The following NOL4L variants were observed in gnomAD, a reference collection of about 807,000 sequenced individuals.
NOL4L encodes the protein nucleolar protein 4-like.
NOL4L carries 7 observed loss-of-function variants against 64.5 expected under a neutral mutation model. The observed-to-expected ratio is 0.11, with a 90% confidence interval of 0.06 to 0.20. The LOEUF is 0.20. Among genes scored for constraint, NOL4L ranks in the 10% least tolerant of loss-of-function variants. The pLI is 1.00. For missense variants in NOL4L, 680 were observed against 967.1 expected (o/e 0.70, Z 3.94); for synonymous variants, 413 against 401.0 (o/e 1.03, Z -0.36).
intron 4 of NOL4L, among the ~76,000 whole-genome samples, chr20:32,502,293 T>A (rs1015604958): frequency 6.6e-6 from 1 of 152,170 alleles, no homozygotes; most frequent in African/African-American, 2.4e-5. Context: ...TATATGATTT[T>A]AAAAAATGTA....
chr20:32,471,284 C>A (rs928197186), intron 5 of NOL4L, among the ~76,000 whole-genome samples: 1 of 150,524 alleles, frequency 6.6e-6, no homozygotes, highest in Non-Finnish European at 1.5e-5. Context: ...TGGACACTCA[C>A]CCCGGTAGAG....
At chr20:32,510,325 T>A (rs572480636) in intron 4 of NOL4L, 1 of 259,746 alleles carries the variant, frequency 3.8e-6, no homozygotes. Flanking sequence ...TTGAAAGGAA[T>A]ACGCAGCTCT....
chr20:32,564,762 C>T (rs1376385175), intron 1 of NOL4L, among the ~76,000 whole-genome samples: 1 of 152,246 alleles, frequency 6.6e-6, no homozygotes, highest in Non-Finnish European at 1.5e-5. Context: ...GGTGGGCTCC[C>T]TGATTGCTCC....
intron 1 of NOL4L, among the ~76,000 whole-genome samples, chr20:32,574,597 G>A (rs1424937263): frequency 6.6e-6 from 1 of 152,156 alleles, no homozygotes. Flanking sequence ...GGCCTGGCCT[G>A]CTGAAGGAAG....
intron 1 of NOL4L, among the ~76,000 whole-genome samples, chr20:32,564,675 T>G (rs1005996120): frequency 1.3e-5 from 2 of 152,242 alleles, no homozygotes; most frequent in African/African-American, 2.4e-5. Context: ...TTTCTTCATC[T>G]GTAAAATGGG....
rs538097450 is a variant in NOL4L at position 32,545,844 on chromosome 20, A to G, written c.322-17931T>C. On this transcript the variant is annotated intron_variant, in intron 1 of 10. Transcript: ENST00000621426. ...CCATTGTCTGTAAGAAGGGCGGGCT[A>G]GAGCAGGATATTTGGATTGCCATTA... Among the ~76,000 whole-genome samples the G allele has an allele frequency of 1.5e-4, 22 of 151,092 alleles. No individual in the cohort carries two copies. The East Asian group carries it at 4.1e-3, about 28-fold the overall frequency.
rs2014245373 is a variant in NOL4L at position 32,463,169 on chromosome 20, G to C, written c.842-6774C>G. 6.6e-6 allele frequency among the ~76,000 whole-genome samples: 1 copy of C among 152,206 alleles called. No homozygotes were observed. The highest frequency in any genetic ancestry group is 1.5e-5 in the Non-Finnish European group (1 of 68,034). Reference sequence around the variant, plus strand: ...TGGGCACCGAAGCCCCAGCACACAGGCCTCACGGGGTGCAGGCCTCCAGCT... The same window carrying C: ...TGGGCACCGAAGCCCCAGCACACAGCCCTCACGGGGTGCAGGCCTCCAGCT... On this transcript the variant is annotated intron_variant, in intron 5 of 10. Coordinates refer to ENST00000621426, the MANE Select transcript of NOL4L (RefSeq NM_001256798.2). The surrounding 1 kb of genome is among the most constrained non-coding windows in gnomAD (Gnocchi z 5.8).
chr20:32,519,779 A>G (rs1005816688), intron 3 of NOL4L: 1 of 152,214 alleles, frequency 6.6e-6, no homozygotes, highest in Admixed American at 6.5e-5. Flanking sequence ...CCAAGGGATC[A>G]CCTTTGGTGG....
At chr20:32,540,455 T>C (rs1376118336) in intron 1 of NOL4L, among the ~76,000 whole-genome samples, 1 of 152,146 alleles carries the variant, frequency 6.6e-6, no homozygotes. Flanking sequence ...CCCACAGCCA[T>C]GCTCAGAATC....
intron 4 of NOL4L, among the ~76,000 whole-genome samples, chr20:32,488,799 C>CT (rs1240514809): frequency 2.7e-5 from 1 of 36,538 alleles, no homozygotes; most frequent in African/African-American, 1.5e-4. Context: ...TCCTTTCTTT[C>CT]TTTCTTTTTC....
intron 1 of NOL4L, among the ~76,000 whole-genome samples, chr20:32,543,257 T>C (rs2018683782): frequency 6.6e-6 from 1 of 152,140 alleles, no homozygotes; most frequent in Non-Finnish European, 1.5e-5. Context: ...TGCGTGGCAC[T>C]TCTGCCACCA....
chr20:32,576,598 G>T (rs572331851), intron 1 of NOL4L, among the ~76,000 whole-genome samples: 1 of 152,296 alleles, frequency 6.6e-6, no homozygotes, highest in South Asian at 2.1e-4. Flanking sequence ...CCATCTGCAG[G>T]GGAGGAGCTC....
At chr20:32,496,442 G>T (rs1568657179) in intron 4 of NOL4L, among the ~76,000 whole-genome samples, 1 of 152,162 alleles carries the variant, frequency 6.6e-6, no homozygotes, top group Non-Finnish European at 1.5e-5. Flanking sequence ...CTAGGGATGG[G>T]TACCTTATCT....
chr20:32,488,851 C>A (rs1266735897), intron 4 of NOL4L, among the ~76,000 whole-genome samples: 2 of 70,700 alleles, frequency 2.8e-5, no homozygotes, highest in African/African-American at 1.7e-4. Flanking sequence ...TTCTTTCTTT[C>A]TTTCTTTCTT....
intron 1 of NOL4L, among the ~76,000 whole-genome samples, chr20:32,554,783 G>A (rs1249551011): frequency 6.6e-6 from 1 of 152,164 alleles, no homozygotes; most frequent in Non-Finnish European, 1.5e-5. Context: ...GACAAGGAAG[G>A]GGCTAGGGAG....
Position 32,573,681 on chromosome 20 carries a change from C to A in NOL4L, c.321+10889G>T, listed in dbSNP as rs376956202. On this transcript the variant is annotated intron_variant, in intron 1 of 10. Transcript: ENST00000621426. ...GGGAAGTAACTTACCCAAGACTGCA[C>A]AGCAGTAAGCGGCAGAACCTGGACC... The A allele has an allele frequency of 1.5e-4, 30 of 201,414 alleles. No individual in the cohort carries two copies. In the East Asian group the frequency reaches 3.6e-3, roughly 24 times the overall value. 12.5% of individuals were successfully genotyped at this position (201,414 alleles called of 1,614,324 possible).
At chr20:32,493,916 T>C (rs1037086365) in intron 4 of NOL4L, among the ~76,000 whole-genome samples, 1 of 152,144 alleles carries the variant, frequency 6.6e-6, no homozygotes, top group Admixed American at 6.5e-5. Context: ...AGCATTAAGA[T>C]TGGAGAGACT....
chr20:32,488,255 T>A (rs765088996), intron 4 of NOL4L, among the ~76,000 whole-genome samples: 8 of 152,180 alleles, frequency 5.3e-5, no homozygotes, highest in Non-Finnish European at 1.0e-4. Flanking sequence ...TCTTTGAGAT[T>A]ACAAACTGTG....
At chr20:32,498,751 G>A (rs2016795265) in intron 4 of NOL4L, among the ~76,000 whole-genome samples, 2 of 132,318 alleles carry the variant, frequency 1.5e-5, no homozygotes, top group Non-Finnish European at 1.5e-5. Context: ...CAACGGGAGT[G>A]AGACCCTGTC....
Sources: allele counts gnomAD v4.1 joint callset (sites outside exome capture counted in the v4.1 genomes callset), GRCh38; gene constraint gnomAD v4.1.1; non-coding constraint Gnocchi (gnomAD v3.1); transcripts MANE v1.5; gene names NCBI Gene and HGNC (gene_info 2026-07-23, HGNC 2026-07-21).